Variants in CEP44 observed in about 807,000 individuals in gnomAD.
CEP44 encodes the protein centrosomal protein of 44 kDa.
Under a neutral mutation model 46.7 loss-of-function variants are expected in CEP44, and 45 were observed. The observed-to-expected ratio is 0.96, with a 90% CI of 0.76 to 1.24. The LOEUF is 1.24. Ranked by LOEUF, CEP44 falls within the 50% of genes most tolerant of loss-of-function variation. The pLI, the probability that CEP44 is intolerant of heterozygous loss-of-function variation, is 0.00. For synonymous variants in CEP44, 142 were observed against 146.0 expected, an observed-to-expected ratio of 0.97 and a Z score of 0.20; for missense variants, 475 against 459.7, an observed-to-expected ratio of 1.03 and a Z score of -0.30.
At position 174,288,400 on chromosome 4, in the gene CEP44, CT is replaced by C. The variant is rs1316340799; in HGVS notation, c.-148+4460del. ...TCTTATTTATTTTGCCTAACTGAAACTTTGTACCCTTTGAACAACAGCTTCC... is the reference window on the plus strand; with the variant it reads ...TCTTATTTATTTTGCCTAACTGAAACTTGTACCCTTTGAACAACAGCTTCC... On this transcript the variant is annotated intron_variant, in intron 1 of 11. Coordinates refer to ENST00000503780, the MANE Select transcript of CEP44 (RefSeq NM_001040157.3). This position sits in a 1 kb window ranked among gnomAD's most constrained non-coding sequence, Gnocchi z 4.6. 6.6e-6 allele frequency among the ~76,000 whole-genome samples: 1 copy of C among 152,126 alleles called. No individual in the cohort carries two copies. The highest frequency in any genetic ancestry group is 1.5e-5 in the Non-Finnish European group (1 of 68,000).
chr4:174,320,259 T>C lies in CEP44; in HGVS notation c.*2876T>C, dbSNP rs1158914701. The C allele has an allele frequency of 1.0e-6, 1 of 984,326 alleles. No individual in the cohort carries two copies. Among genetic ancestry groups the C allele is most frequent in the Non-Finnish European group, 1.2e-6 (1 of 829,116 alleles). The allele number at this position is 984,326 out of a possible 1,614,324, so 61.0% of individuals were successfully genotyped here. A position where few individuals can be genotyped will look rare whatever the true frequency, so the allele number is the denominator to read the frequency against. On this transcript the variant is annotated 3_prime_UTR_variant, in exon 12 of 12. Transcript: ENST00000503780. ...TGGAAAAAAGTAATTCTATCATGTT[T>C]GCTTGTTTTCCTCTACTGTTTTTAA...
chr4:174,323,837 G>C (rs1742483958), downstream of CEP44, among the ~76,000 whole-genome samples: 2 of 152,122 alleles, frequency 1.3e-5, no homozygotes, highest in Non-Finnish European at 2.9e-5. Context: ...AGTGGAGTCA[G>C]CTTGAACTGG....
Position 174,319,179 on chromosome 4 carries a change from T to G in CEP44, c.*1796T>G. On this transcript the variant is annotated 3_prime_UTR_variant, in exon 12 of 12. Coordinates refer to ENST00000503780, the MANE Select transcript of CEP44 (RefSeq NM_001040157.3). ...TGGTAGCCTACAGAAACATACAATT[T>G]TGAATTTAACAGAGTTTCAGTAAAT... 3 of 980,870 alleles carry G rather than the reference T, an allele frequency of 3.1e-6. No homozygotes were observed. The highest frequency in any genetic ancestry group is 3.6e-6 in the Non-Finnish European group (3 of 825,776). 60.8% of individuals were successfully genotyped at this position (980,870 alleles called of 1,614,324 possible). A position where few individuals can be genotyped will look rare whatever the true frequency, so the allele number is the denominator to read the frequency against.
At position 174,309,942 on chromosome 4, in the gene CEP44, G is replaced by C. The variant is rs374542523; in HGVS notation, c.771G>C (p.Arg257Ser). 5 of 1,612,772 alleles carry C rather than the reference G, an allele frequency of 3.1e-6. No individual in the cohort carries two copies. In the East Asian group the frequency reaches 8.9e-5, roughly 29 times the overall value. Residue 257 changes from arginine to serine, a missense_variant, in exon 8 of 12, where the codon AGG becomes AGC. Transcript: ENST00000503780. This position sits in a 1 kb window ranked among gnomAD's most constrained non-coding sequence, Gnocchi z 5.3. ...NLKKLTSIEK[R>S]LDCLEQKMKG... ...AGAAACTGACTTCGATAGAGAAAAG[G>C]TTAGACTGTTTGGAACAAAAAATGA... is the stretch of plus-strand genomic sequence containing the variant.
chr4:174,323,779 A>G (rs371673172), downstream of CEP44, among the ~76,000 whole-genome samples: 2 of 152,014 alleles, frequency 1.3e-5, no homozygotes, highest in African/African-American at 4.8e-5. Flanking sequence ...TGGCCTTCTG[A>G]TGTCAAAAGG....
In CEP44 at chr4:174,316,946, C is replaced by T. The variant is rs937919162; in HGVS notation, c.1124+379C>T. On this transcript the variant is annotated intron_variant, in intron 11 of 11. Transcript: ENST00000503780. ...GACATTTTCAGTGTTGTGAAAATAT[C>T]ACTGGTGTTTTTCGGCAAGTTATTG... 5.3e-5 allele frequency among the ~76,000 whole-genome samples: 8 copies of T among 151,594 alleles called. No homozygotes were observed. The South Asian group carries it at 1.0e-3, about 20-fold the overall frequency.
At chr4:174,308,260 A>C (rs776215634) in intron 6 of CEP44, among the ~76,000 whole-genome samples, 1 of 152,208 alleles carries the variant, frequency 6.6e-6, no homozygotes, top group African/African-American at 2.4e-5. Flanking sequence ...GATAAAGAAG[A>C]TGTGGTACAT....
intron 8 of CEP44, among the ~76,000 whole-genome samples, chr4:174,328,517 G>C (rs569240317): frequency 6.6e-6 from 1 of 152,326 alleles, no homozygotes; most frequent in African/African-American, 2.4e-5. Flanking sequence ...ATCTCGAACA[G>C]TGCAATTATA....
chr4:174,319,069 A>G lies in CEP44; in HGVS notation c.*1686A>G. ...AGCTACTCGCCCACCTGGATGTCCC[A>G]AAGTGCTAGATTCCATGGGTGAGTC... On this transcript the variant is annotated 3_prime_UTR_variant, in exon 12 of 12. Coordinates refer to ENST00000503780, the MANE Select transcript of CEP44 (RefSeq NM_001040157.3). 4 of 875,938 alleles carry G rather than the reference A, an allele frequency of 4.6e-6. No homozygotes were observed. Among genetic ancestry groups the G allele is most frequent in the Non-Finnish European group, 5.5e-6 (4 of 730,954 alleles). The allele number at this position is 875,938 out of a possible 1,614,324, so 54.3% of individuals were successfully genotyped here. A position where few individuals can be genotyped will look rare whatever the true frequency, so the allele number is the denominator to read the frequency against.
At chr4:174,284,647 TTA>T (rs1234165814) in intron 1 of CEP44, among the ~76,000 whole-genome samples, 2 of 152,194 alleles carry the variant, frequency 1.3e-5, no homozygotes, top group Non-Finnish European at 2.9e-5. Flanking sequence ...CCTTTTAATT[TTA>T]TGTGTGAACA....
chr4:174,327,414 G>A (rs1742751425), intron 8 of CEP44, among the ~76,000 whole-genome samples: 1 of 151,708 alleles, frequency 6.6e-6, no homozygotes. Flanking sequence ...TAATCTCAAA[G>A]TCTTGACAGT....
chr4:174,284,742 C>T (rs142326002), intron 1 of CEP44, among the ~76,000 whole-genome samples: 8 of 152,298 alleles, frequency 5.3e-5, no homozygotes, highest in Admixed American at 5.2e-4. Context: ...CTTTCTCAGA[C>T]CTTTCTCCTA....
At chr4:174,294,432 C>G (rs1474407541) in intron 1 of CEP44, among the ~76,000 whole-genome samples, 1 of 151,588 alleles carries the variant, frequency 6.6e-6, no homozygotes, top group Non-Finnish European at 1.5e-5. Context: ...AAAAGTCTCC[C>G]GTGTCTACCT....
In CEP44 at chr4:174,302,085, T is replaced by C. The variant is rs200080536; in HGVS notation, c.136T>C (p.Ser46Pro). ...PAASLPIISY[S>P]FTSYSPYVTE... ...AGCATCTTTGCCCATCATCAGCTAT[T>C]CTTTTACCTCATACTCACCTTATGT... is the stretch of plus-strand genomic sequence containing the variant. The change falls in exon 4 of 12, where the codon TCT becomes CCT. Residue 46 changes from serine (S) to proline (P), a missense_variant. Ser to Pro is a moderately conservative substitution (Grantham distance 74). Transcript: ENST00000503780. 9.9e-6 allele frequency: 16 copies of C among 1,611,478 alleles called. No individual in the cohort carries two copies. The highest frequency in any genetic ancestry group is 1.4e-5 in the Non-Finnish European group (16 of 1,179,336).
rs934734372 is a variant in CEP44 at position 174,320,099 on chromosome 4, T to C, written c.*2716T>C. 1 of 985,126 alleles carries C rather than the reference T, an allele frequency of 1.0e-6. No homozygotes were observed. 61.0% of individuals were successfully genotyped at this position (985,126 alleles called of 1,614,324 possible). ...TTGTGCTGCCCTGTCTATGTTATGC[T>C]CTGAATAGGTCTCGGTAAAGATTAT... On this transcript the variant is annotated 3_prime_UTR_variant, in exon 12 of 12. Transcript: ENST00000503780.
rs181132609 is a variant in CEP44 at position 174,325,376 on chromosome 4, A to G, written c.1087-6106A>G. ...TCATCACTGAGAGAGGGGTGTAGCC[A>G]TGTACAGTCACTCATGCCTGTAATT... On this transcript the variant is annotated intron_variant, in intron 8 of 8. Coordinates refer to the CEP44 transcript ENST00000426172. This position sits in a 1 kb window ranked among gnomAD's most constrained non-coding sequence, Gnocchi z 4.4. 7.9e-5 allele frequency among the ~76,000 whole-genome samples: 12 copies of G among 152,264 alleles called. No homozygotes were observed. The highest frequency in any genetic ancestry group is 2.0e-4 in the Admixed American group (3 of 15,280).
chr4:174,316,038 CTT>C (rs1440266456), intron 9 of CEP44, 126 bp from the exon 10 acceptor site: 4 of 1,153,892 alleles, frequency 3.5e-6, no homozygotes, highest in East Asian at 2.6e-5. Flanking sequence ...ACTAAAAACT[CTT>C]TGATCTATGC....
At chr4:174,306,201 G>A (rs1476826163) in intron 6 of CEP44, among the ~76,000 whole-genome samples, 1 of 151,986 alleles carries the variant, frequency 6.6e-6, no homozygotes, top group Non-Finnish European at 1.5e-5. Flanking sequence ...CTAGGTAAAT[G>A]CATACCGTGA....
Position 174,310,162 on chromosome 4 carries a change from A to C in CEP44, c.885+106A>C. On this transcript the variant is annotated intron_variant, in intron 8 of 11. Transcript: ENST00000503780. The surrounding 1 kb of genome is among the most constrained non-coding windows in gnomAD (Gnocchi z 4.2). ...GAAATGCTAAATATGAGAATATTTG[A>C]ATAATGAGAAAATGTCTAGTTAGAA... is the stretch of plus-strand genomic sequence containing the variant. The C allele has an allele frequency of 2.0e-6, 2 of 981,188 alleles. No homozygotes were observed. Among genetic ancestry groups the C allele is most frequent in the Non-Finnish European group, 3.0e-6 (2 of 677,672 alleles). The allele number at this position is 981,188 out of a possible 1,614,324, so 60.8% of individuals were successfully genotyped here. A position where few individuals can be genotyped will look rare whatever the true frequency, so the allele number is the denominator to read the frequency against.
Sources: gnomAD v4.1 joint callset for allele counts (sites outside exome capture counted in the v4.1 genomes callset) on GRCh38, gnomAD v4.1.1 for gene constraint, Gnocchi (gnomAD v3.1) non-coding constraint, MANE v1.5 for transcripts, NCBI Gene and HGNC (gene_info 2026-07-23, HGNC 2026-07-21) for gene names.